The following CASD1 variants were observed in gnomAD, a reference collection of about 807,000 sequenced individuals.
CASD1 encodes N-acetylneuraminate (7)9-O-acetyltransferase.
A neutral mutation model predicts 100.0 loss-of-function variants in CASD1; 41 were observed. The ratio of observed to expected loss-of-function variants is 0.41; its 90% confidence interval spans 0.32 to 0.53. CASD1 has a LOEUF of 0.53. CASD1 is among the 20% of genes least tolerant of loss of function. CASD1 has a pLI of 0.25. For synonymous variants in CASD1, 321 were observed against 315.6 expected (o/e 1.02, Z -0.18); for missense variants, 774 against 948.7 (o/e 0.82, Z 2.42).
At chr7:94,542,936 CTTTG>C (rs1413531402) in intron 10 of CASD1, among the ~76,000 whole-genome samples, 25 of 152,058 alleles carry the variant, frequency 1.6e-4, no homozygotes, top group Admixed American at 2.0e-4. Flanking sequence ...AATAAAAACT[CTTTG>C]TTTGATATGT....
the CASD1 span, among the ~76,000 whole-genome samples, chr7:94,565,160 G>T: frequency 6.6e-6 from 1 of 151,866 alleles, no homozygotes; most frequent in Admixed American, 6.6e-5. Context: ...AGACTCTAAT[G>T]GTAAAGCAAC....
the CASD1 span, among the ~76,000 whole-genome samples, chr7:94,630,932 A>G: frequency 6.6e-6 from 1 of 151,952 alleles, no homozygotes; most frequent in South Asian, 2.1e-4. Context: ...AAACTCCCAC[A>G]AAATGTTTCT....
the CASD1 span, chr7:94,623,974 A>C: frequency 2.6e-6 from 1 of 383,486 alleles, no homozygotes; most frequent in South Asian, 1.4e-4. Context: ...ACACAAATCA[A>C]TCCCTTCATA....
At chr7:94,510,672 A>G (rs550021935) in intron 1 of CASD1, among the ~76,000 whole-genome samples, 2 of 152,276 alleles carry the variant, frequency 1.3e-5, no homozygotes, top group South Asian at 4.1e-4. Context: ...CTGCCTCTTA[A>G]GGGTCCGGCT....
chr7:94,556,067 G>A lies in CASD1; in HGVS notation c.*309G>A, dbSNP rs1215068675. The A allele has an allele frequency of 4.8e-6, 1 of 207,450 alleles. No homozygotes were observed. The highest frequency in any genetic ancestry group is 9.6e-6 in the Non-Finnish European group (1 of 104,048). 12.9% of individuals were successfully genotyped at this position (207,450 alleles called of 1,614,324 possible). A position where few individuals can be genotyped will look rare whatever the true frequency, so the allele number is the denominator to read the frequency against. ...TTTTAAGTTAACATATGAAGGCAGGGAAATGATTACCTTTCCAGTAAAAAG... is the reference window on the plus strand; with the variant it reads ...TTTTAAGTTAACATATGAAGGCAGGAAAATGATTACCTTTCCAGTAAAAAG... On this transcript the variant is annotated 3_prime_UTR_variant, in exon 18 of 18. Coordinates refer to ENST00000297273, the MANE Select transcript of CASD1 (RefSeq NM_022900.5).
chr7:94,556,240 T>A lies in CASD1; in HGVS notation c.*482T>A, dbSNP rs1796200625. ...ACTCAAGAATGACGGCAGTATTGTT[T>A]TCTTATATGTGCAATGAAGTGGAAT... On this transcript the variant is annotated 3_prime_UTR_variant, in exon 18 of 18. Transcript: ENST00000297273. The A allele has an allele frequency of 6.5e-6, 1 of 154,492 alleles. No individual in the cohort carries two copies. The highest frequency in any genetic ancestry group is 2.0e-4 in the South Asian group (1 of 4,994). The allele number at this position is 154,492 out of a possible 1,614,324, so 9.6% of individuals were successfully genotyped here. A position where few individuals can be genotyped will look rare whatever the true frequency, so the allele number is the denominator to read the frequency against.
At chr7:94,546,178 CTAATA>C in intron 12 of CASD1, among the ~76,000 whole-genome samples, 1 of 151,972 alleles carries the variant, frequency 6.6e-6, no homozygotes, top group Admixed American at 6.6e-5. Context: ...TTTAAAAGCA[CTAATA>C]TAATGTATTT....
chr7:94,558,039 G>A (rs1221652602), downstream of CASD1, among the ~76,000 whole-genome samples: 2 of 152,082 alleles, frequency 1.3e-5, no homozygotes, highest in Admixed American at 1.3e-4. Flanking sequence ...AGATTTTTCT[G>A]TAATAGAAAT....
chr7:94,598,924 G>A, the CASD1 span: 1 of 1,613,816 alleles, frequency 6.2e-7, no homozygotes, highest in South Asian at 1.1e-5. Flanking sequence ...GAAGCTCCTT[G>A]GTAGATTTCT....
chr7:94,632,082 A>G, the CASD1 span, among the ~76,000 whole-genome samples: 1 of 152,074 alleles, frequency 6.6e-6, no homozygotes, highest in Admixed American at 6.6e-5. Context: ...AACTAAATAT[A>G]TATAATACTT....
chr7:94,546,257 A>G (rs1039399599), intron 12 of CASD1, among the ~76,000 whole-genome samples: 7 of 151,948 alleles, frequency 4.6e-5, no homozygotes, highest in Non-Finnish European at 1.0e-4. Context: ...TAAATACCCA[A>G]AAGCTTGTTA....
the CASD1 span, among the ~76,000 whole-genome samples, chr7:94,575,135 T>C: frequency 1.3e-5 from 2 of 152,350 alleles, no homozygotes; most frequent in African/African-American, 2.4e-5. Context: ...TCAGTTGTCA[T>C]GTTAAGTTGT....
the CASD1 span, chr7:94,598,578 GA>G: frequency 2.0e-5 from 12 of 596,556 alleles, no homozygotes; most frequent in Non-Finnish European, 2.7e-5. Flanking sequence ...ATCAGTGGGG[GA>G]AAAAAAGTGC....
the CASD1 span, among the ~76,000 whole-genome samples, chr7:94,563,425 ATTAC>A: frequency 5.3e-5 from 8 of 152,056 alleles, no homozygotes; most frequent in African/African-American, 1.9e-4. Context: ...GCCATAACTA[ATTAC>A]TTACCACTTT....
chr7:94,510,347 T>TC (rs1793632318), intron 1 of CASD1, 130 bp downstream of exon 1: 4 of 620,390 alleles, frequency 6.4e-6, no homozygotes, highest in Non-Finnish European at 9.6e-6. Context: ...GGGAGGCGGT[T>TC]CCCCCAGGTG....
chr7:94,630,360 G>A, the CASD1 span, among the ~76,000 whole-genome samples: 3 of 151,602 alleles, frequency 2.0e-5, no homozygotes, highest in East Asian at 5.8e-4. Context: ...CGGTTTTTAC[G>A]TATACTTATA....
chr7:94,548,840 A>G (rs1254090877), intron 13 of CASD1, among the ~76,000 whole-genome samples: 1 of 151,842 alleles, frequency 6.6e-6, no homozygotes, highest in Non-Finnish European at 1.5e-5. Context: ...GAAAGACTTC[A>G]TTAATGTGCA....
the CASD1 span, chr7:94,599,606 A>G: frequency 3.0e-6 from 3 of 997,288 alleles, no homozygotes; most frequent in African/African-American, 4.8e-5. Context: ...TGACAAATGA[A>G]AAAAAGCTTG....
chr7:94,513,287 CAA>C (rs766687618), intron 1 of CASD1, among the ~76,000 whole-genome samples: 8 of 63,824 alleles, frequency 1.3e-4, no homozygotes, highest in Non-Finnish European at 1.5e-4. Flanking sequence ...GATCGCATCC[CAA>C]AAAAAAAAAA....
Sources: allele counts gnomAD v4.1 joint callset (sites outside exome capture counted in the v4.1 genomes callset), GRCh38; gene constraint gnomAD v4.1.1; transcripts MANE v1.5; gene names NCBI Gene and HGNC (gene_info 2026-07-23, HGNC 2026-07-21).